Variants in TAS2R1 observed in about 807,000 individuals in gnomAD.
The protein encoded by TAS2R1 is taste receptor type 2 member 1.
For missense variants in TAS2R1, 370 were observed against 353.4 expected, an observed-to-expected ratio of 1.05 and a Z score of -0.38; for synonymous variants, 141 against 134.2, an observed-to-expected ratio of 1.05 and a Z score of -0.35.
the TAS2R1 span, among the ~76,000 whole-genome samples, chr5:9,873,834 A>G: frequency 6.9e-6 from 1 of 144,570 alleles, no homozygotes; most frequent in African/African-American, 2.5e-5. Flanking sequence ...GAGCCATTGC[A>G]TTCCAGCCTG....
At chr5:9,803,456 CAA>C in the TAS2R1 span, among the ~76,000 whole-genome samples, 37 of 152,270 alleles carry the variant, frequency 2.4e-4, no homozygotes, top group Admixed American at 6.5e-4. Context: ...TACCTAAAGT[CAA>C]GTCAAAGAAA....
At chr5:9,727,541 C>A in the TAS2R1 span, among the ~76,000 whole-genome samples, 22 of 152,068 alleles carry the variant, frequency 1.4e-4, no homozygotes, top group African/African-American at 5.3e-4. Flanking sequence ...CTCCTACCAC[C>A]CAGGAAAGAA....
intron 1 of TAS2R1, among the ~76,000 whole-genome samples, chr5:9,702,562 G>A (rs555124448): frequency 8.5e-5 from 13 of 152,254 alleles, no homozygotes; most frequent in East Asian, 1.9e-4. Context: ...AAACCCACCC[G>A]GCTGAGCCTG....
the TAS2R1 span, among the ~76,000 whole-genome samples, chr5:9,784,330 A>G: frequency 2.6e-5 from 4 of 152,122 alleles, no homozygotes; most frequent in Non-Finnish European, 4.4e-5. Flanking sequence ...GCTCTCATAC[A>G]TCCAGGACTC....
the TAS2R1 span, among the ~76,000 whole-genome samples, chr5:9,802,128 C>G: frequency 6.6e-6 from 1 of 152,166 alleles, no homozygotes; most frequent in Non-Finnish European, 1.5e-5. Flanking sequence ...CAACACAAAA[C>G]CAACACACTA....
At chr5:9,640,255 T>C (rs1441648342) in intron 2 of TAS2R1, among the ~76,000 whole-genome samples, 1 of 151,836 alleles carries the variant, frequency 6.6e-6, no homozygotes, top group Admixed American at 6.6e-5. Context: ...ACACACAACA[T>C]TTATCAATCA....
intron 2 of TAS2R1, chr5:9,641,164 C>T (rs984014822): frequency 5.3e-5 from 8 of 152,150 alleles, no homozygotes; most frequent in Admixed American, 5.2e-4. Flanking sequence ...CATATTGCAC[C>T]AAAGACTTAA....
chr5:9,775,446 C>T, the TAS2R1 span, among the ~76,000 whole-genome samples: 1 of 151,760 alleles, frequency 6.6e-6, no homozygotes, highest in East Asian at 2.0e-4. Context: ...CTGGTGGTAC[C>T]TGAGGTGCAA....
intron 1 of TAS2R1, among the ~76,000 whole-genome samples, chr5:9,674,905 GA>G (rs570008160): frequency 1.3e-5 from 2 of 151,834 alleles, no homozygotes; most frequent in African/African-American, 4.8e-5. Context: ...GCTGGAAAAG[GA>G]AAAATAAAAC....
intron 1 of TAS2R1, among the ~76,000 whole-genome samples, chr5:9,660,483 T>C (rs940680601): frequency 1.3e-5 from 2 of 152,174 alleles, no homozygotes; most frequent in Non-Finnish European, 2.9e-5. Context: ...TTAATTGGTT[T>C]GTTCTTTGAG....
At chr5:9,893,827 T>G in the TAS2R1 span, among the ~76,000 whole-genome samples, 242 of 152,284 alleles carry the variant, frequency 1.6e-3, no homozygotes, top group African/African-American at 5.7e-3. Flanking sequence ...GAAGGTCCCA[T>G]GAATCTACCT....
the TAS2R1 span, among the ~76,000 whole-genome samples, chr5:9,733,295 C>T: frequency 6.6e-6 from 1 of 152,212 alleles, no homozygotes; most frequent in Non-Finnish European, 1.5e-5. Context: ...TGTGCATTGT[C>T]TATGGCTGCC....
At chr5:9,739,149 A>G in the TAS2R1 span, among the ~76,000 whole-genome samples, 1 of 152,162 alleles carries the variant, frequency 6.6e-6, no homozygotes, top group Non-Finnish European at 1.5e-5. Context: ...TTTTTCCAAA[A>G]GACCCAACTG....
At chr5:9,854,459 T>C in the TAS2R1 span, 10 of 152,152 alleles carry the variant, frequency 6.6e-5, no homozygotes, top group African/African-American at 2.4e-4. Flanking sequence ...TAACACAATA[T>C]TTCCATAACA....
At chr5:9,646,270 G>GCTCAGAT (rs1362793429) in intron 2 of TAS2R1, among the ~76,000 whole-genome samples, 2 of 152,034 alleles carry the variant, frequency 1.3e-5, no homozygotes, top group Admixed American at 1.3e-4. Flanking sequence ...TACTCTGACG[G>GCTCAGAT]CTCAGATTTT....
chr5:9,678,866 G>T (rs193030541), intron 1 of TAS2R1, among the ~76,000 whole-genome samples: 14 of 152,038 alleles, frequency 9.2e-5, no homozygotes, highest in Admixed American at 9.2e-4. Context: ...TGTGTGCAGC[G>T]AATCACCATG....
the TAS2R1 span, among the ~76,000 whole-genome samples, chr5:9,770,610 C>A: frequency 6.6e-6 from 1 of 151,820 alleles, no homozygotes; most frequent in Non-Finnish European, 1.5e-5. Flanking sequence ...ATAGAAATAT[C>A]TCACTTATTT....
intron 2 of TAS2R1, among the ~76,000 whole-genome samples, chr5:9,651,122 G>A (rs1311413885): frequency 6.6e-6 from 1 of 152,164 alleles, no homozygotes; most frequent in Non-Finnish European, 1.5e-5. Flanking sequence ...CTGTGCTGTG[G>A]TGTGGAGAAA....
the TAS2R1 span, among the ~76,000 whole-genome samples, chr5:9,733,780 T>C: frequency 6.6e-6 from 1 of 151,984 alleles, no homozygotes; most frequent in East Asian, 1.9e-4. Flanking sequence ...AAGTAGCAAT[T>C]GGGCTCAGGT....
Sources: gnomAD v4.1 joint callset for allele counts (sites outside exome capture counted in the v4.1 genomes callset) on GRCh38, gnomAD v4.1.1 for gene constraint, MANE v1.5 for transcripts, NCBI Gene and HGNC (gene_info 2026-07-23, HGNC 2026-07-21) for gene names.